NAALADL2: variants seen among roughly 807,000 people sequenced by gnomAD.
NAALADL2 encodes the protein inactive N-acetylated-alpha-linked acidic dipeptidase-like protein 2.
Under a neutral mutation model 87.2 loss-of-function variants are expected in NAALADL2, and 76 were observed. That is an observed-to-expected ratio of 0.87 (90% CI 0.72 to 1.05). The LOEUF is 1.05. Ranked by LOEUF, NAALADL2 falls within the 50% of genes least tolerant of loss-of-function variation. The pLI, the probability that NAALADL2 is intolerant of heterozygous loss-of-function variation, is 0.00. For missense variants in NAALADL2, 1,089 were observed against 945.8 expected (o/e 1.15, Z -1.99); for synonymous variants, 354 against 331.0 (o/e 1.07, Z -0.75).
intron 11 of NAALADL2, among the ~76,000 whole-genome samples, chr3:175,643,174 T>G (rs1460048458): frequency 1.3e-5 from 2 of 152,210 alleles, no homozygotes; most frequent in East Asian, 3.9e-4. Context: ...ATCTCCCTAC[T>G]CATTCTCCAT....
intron 11 of NAALADL2, among the ~76,000 whole-genome samples, chr3:175,710,400 G>T (rs1740362459): frequency 1.3e-5 from 2 of 151,582 alleles, no homozygotes; most frequent in African/African-American, 4.8e-5. Context: ...AATATTGAAC[G>T]CAAAAAAGGC....
chr3:175,284,779 T>C (rs1005986701), intron 4 of NAALADL2, among the ~76,000 whole-genome samples: 1 of 152,142 alleles, frequency 6.6e-6, no homozygotes, highest in Non-Finnish European at 1.5e-5. Flanking sequence ...AACTCAGTTG[T>C]CCTTGTATTT....
intron 1 of NAALADL2, chr3:174,459,856 GT>G (rs1189084423): frequency 6.6e-6 from 1 of 152,084 alleles, no homozygotes; most frequent in Non-Finnish European, 1.5e-5. Context: ...ATGTGAAAAA[GT>G]TATTTAAGTT....
At chr3:175,438,703 A>C (rs1719172539) in intron 5 of NAALADL2, among the ~76,000 whole-genome samples, 1 of 152,134 alleles carries the variant, frequency 6.6e-6, no homozygotes, top group Non-Finnish European at 1.5e-5. Context: ...CAAGTCACTT[A>C]GCTATTGTAA....
chr3:174,901,556 CT>C (rs1249645102), intron 1 of NAALADL2, among the ~76,000 whole-genome samples: 1 of 152,120 alleles, frequency 6.6e-6, no homozygotes, highest in Non-Finnish European at 1.5e-5. Context: ...ATGGGATCAC[CT>C]TTTCTCAGTC....
chr3:175,648,140 G>T (rs907779620), intron 11 of NAALADL2, among the ~76,000 whole-genome samples: 1 of 152,118 alleles, frequency 6.6e-6, no homozygotes, highest in Admixed American at 6.6e-5. Flanking sequence ...GACCCTTGGG[G>T]TGGGGGAGCA....
chr3:175,264,221 A>T (rs1024768963), intron 4 of NAALADL2, among the ~76,000 whole-genome samples: 1 of 151,878 alleles, frequency 6.6e-6, no homozygotes, highest in African/African-American at 2.4e-5. Flanking sequence ...AAAGTCACAC[A>T]AGTTTTTTCT....
At chr3:174,822,184 G>C (rs1047603918) in intron 3 of NAALADL2, among the ~76,000 whole-genome samples, 1 of 151,964 alleles carries the variant, frequency 6.6e-6, no homozygotes, top group African/African-American at 2.4e-5. Context: ...CGGAGGGAGA[G>C]GGGGAGAGAG....
intron 2 of NAALADL2, among the ~76,000 whole-genome samples, chr3:175,146,671 G>A (rs1730790741): frequency 6.6e-6 from 1 of 152,054 alleles, no homozygotes; most frequent in Non-Finnish European, 1.5e-5. Context: ...GAAAGAGGCT[G>A]AAAGTTACTA....
At chr3:175,249,065 A>C (rs559325367) in intron 3 of NAALADL2, among the ~76,000 whole-genome samples, 3 of 152,204 alleles carry the variant, frequency 2.0e-5, no homozygotes, top group African/African-American at 7.2e-5. Context: ...CTGAATAGGA[A>C]TTAGTAGATT....
At chr3:175,413,361 A>G (rs1298198544) in intron 5 of NAALADL2, among the ~76,000 whole-genome samples, 2 of 150,756 alleles carry the variant, frequency 1.3e-5, no homozygotes, top group Admixed American at 6.6e-5. Flanking sequence ...CACAAAGTCA[A>G]GAGATAGAGA....
At chr3:174,491,198 T>C (rs969724634) in intron 1 of NAALADL2, among the ~76,000 whole-genome samples, 2 of 152,146 alleles carry the variant, frequency 1.3e-5, no homozygotes, top group African/African-American at 4.8e-5. Flanking sequence ...TTAATATTGC[T>C]GGTGTTCTCT....
At chr3:174,867,538 G>C (rs1259188691) in intron 1 of NAALADL2, among the ~76,000 whole-genome samples, 2 of 151,908 alleles carry the variant, frequency 1.3e-5, no homozygotes, top group East Asian at 3.9e-4. Flanking sequence ...CTTGTTTATT[G>C]CTTCATTTCT....
chr3:174,682,045 G>C (rs1339368261), intron 2 of NAALADL2, among the ~76,000 whole-genome samples: 1 of 152,002 alleles, frequency 6.6e-6, no homozygotes, highest in African/African-American at 2.4e-5. Context: ...CATGGGGAGA[G>C]TGCTTGTACA....
intron 2 of NAALADL2, among the ~76,000 whole-genome samples, chr3:174,617,155 T>TAGTC (rs1560096078): frequency 6.6e-6 from 1 of 151,822 alleles, no homozygotes; most frequent in Non-Finnish European, 1.5e-5. Flanking sequence ...AAAAGGCTGT[T>TAGTC]AGTCAACTAG....
intron 2 of NAALADL2, among the ~76,000 whole-genome samples, chr3:174,611,915 T>C (rs973353564): frequency 2.6e-5 from 4 of 151,914 alleles, no homozygotes; most frequent in African/African-American, 9.7e-5. Context: ...TTATTGCTGA[T>C]TAATGTCCTT....
intron 4 of NAALADL2, among the ~76,000 whole-genome samples, chr3:175,319,939 G>T (rs1373066323): frequency 2.6e-5 from 4 of 152,232 alleles, no homozygotes; most frequent in Non-Finnish European, 4.4e-5. Context: ...GAGAAGGTAA[G>T]CACAATCCCT....
intron 3 of NAALADL2, among the ~76,000 whole-genome samples, chr3:174,822,831 A>G (rs1721576979): frequency 6.6e-6 from 1 of 152,108 alleles, no homozygotes; most frequent in Non-Finnish European, 1.5e-5. Context: ...AATGTATAAT[A>G]TAGACTCTTA....
intron 11 of NAALADL2, among the ~76,000 whole-genome samples, chr3:175,643,304 C>A (rs1014844024): frequency 6.6e-6 from 1 of 152,140 alleles, no homozygotes; most frequent in Non-Finnish European, 1.5e-5. Flanking sequence ...TTTCCAACAA[C>A]GATTAAGAGT....
Sources: gnomAD v4.1 joint callset for allele counts (sites outside exome capture counted in the v4.1 genomes callset) on GRCh38, gnomAD v4.1.1 for gene constraint, MANE v1.5 for transcripts, NCBI Gene and HGNC (gene_info 2026-07-23, HGNC 2026-07-21) for gene names.